The following GLE1 variants were observed in gnomAD, a reference collection of about 807,000 sequenced individuals.
The protein encoded by GLE1 is mRNA export factor GLE1.
In GLE1, 78 loss-of-function variants were observed where a neutral mutation model predicts 97.3. That is an observed-to-expected ratio of 0.80 (90% CI 0.67 to 0.97). The LOEUF is 0.97. GLE1 is among the 50% of genes least tolerant of loss of function. The pLI is 0.00. For synonymous variants in GLE1, 302 were observed against 313.4 expected, an observed-to-expected ratio of 0.96 and a Z score of 0.39; for missense variants, 753 against 857.5, an observed-to-expected ratio of 0.88 and a Z score of 1.52.
chr9:128,542,215 G>A lies in GLE1; in HGVS notation c.*1045G>A, dbSNP rs763586785. On this transcript the variant is annotated 3_prime_UTR_variant, in exon 16 of 16. Coordinates refer to ENST00000309971, the MANE Select transcript of GLE1 (RefSeq NM_001003722.2). ...GTTCACTGGTACTCTTGAGTGGCCT[G>A]AAGTGACCCATTCTATGAATTGTTA... The A allele has an allele frequency of 4.6e-5, 7 of 152,136 alleles. No individual in the cohort carries two copies. The highest frequency in any genetic ancestry group is 8.8e-5 in the Non-Finnish European group (6 of 68,016). The allele number at this position is 152,136 out of a possible 1,614,324, so 9.4% of individuals were successfully genotyped here.
chr9:128,534,963 C>T lies in GLE1; in HGVS notation c.1646+1012C>T, dbSNP rs184034522. Reference sequence around the variant, plus strand: ...CGATCTCTTGACCTTGTGATCTGCCCGCCTTGGCCTCCCAAAGTGCTGGGA... The same window carrying T: ...CGATCTCTTGACCTTGTGATCTGCCTGCCTTGGCCTCCCAAAGTGCTGGGA... On this transcript the variant is annotated intron_variant, in intron 11 of 15. Transcript: ENST00000309971. Among the ~76,000 whole-genome samples the T allele has an allele frequency of 2.1e-3, 313 of 151,672 alleles. 2 individuals are homozygous for T. The highest frequency in any genetic ancestry group is 7.1e-3 in the African/African-American group (295 of 41,430).
intron 2 of GLE1, among the ~76,000 whole-genome samples, chr9:128,510,067 CT>C (rs919743158): frequency 2.0e-5 from 3 of 151,640 alleles, no homozygotes; most frequent in Non-Finnish European, 2.9e-5. Flanking sequence ...TTCACCCTCC[CT>C]TTTTTTTGAG....
intron 2 of GLE1, among the ~76,000 whole-genome samples, chr9:128,513,506 C>G (rs1489523186): frequency 6.6e-6 from 1 of 151,848 alleles, no homozygotes; most frequent in African/African-American, 2.4e-5. Context: ...CATTTGAGCT[C>G]AGGCATTCGA....
At chr9:128,529,916 G>T (rs1847436443) in intron 9 of GLE1, among the ~76,000 whole-genome samples, 1 of 151,838 alleles carries the variant, frequency 6.6e-6, no homozygotes, top group Non-Finnish European at 1.5e-5. Flanking sequence ...AGCTGGGACT[G>T]CAGGCGCCTG....
At chr9:128,539,765 G>A in intron 14 of GLE1, 67 bp downstream of exon 14, 2 of 1,612,742 alleles carry the variant, frequency 1.2e-6, no homozygotes, top group South Asian at 2.2e-5. Context: ...GATACCCAAG[G>A]GTGCTATTAC....
intron 11 of GLE1, among the ~76,000 whole-genome samples, chr9:128,535,972 C>A (rs1847696439): frequency 6.6e-6 from 1 of 150,808 alleles, no homozygotes; most frequent in Admixed American, 6.6e-5. Flanking sequence ...ACTCTGTTTC[C>A]CAAAAAAAAG....
At chr9:128,539,180 G>A (rs1312303403) in intron 13 of GLE1, among the ~76,000 whole-genome samples, 1 of 152,166 alleles carries the variant, frequency 6.6e-6, no homozygotes, top group Non-Finnish European at 1.5e-5. Context: ...GCTACAGTGA[G>A]CTGTGATCAT....
At chr9:128,525,513 T>A in intron 7 of GLE1, 90 bp downstream of exon 7, 1 of 881,476 alleles carries the variant, frequency 1.1e-6, no homozygotes, top group Non-Finnish European at 1.8e-6. Flanking sequence ...TGTTAAACTG[T>A]AGGACAGTTA....
intron 8 of GLE1, 62 bp downstream of exon 8, chr9:128,527,353 TCGTGTCCCAAA>T: frequency 1.6e-6 from 2 of 1,280,798 alleles, no homozygotes; most frequent in Non-Finnish European, 2.3e-6. Flanking sequence ...AATGATCACT[TCGTGTCCCAAA>T]GGAATGTAGC....
chr9:128,532,722 G>GT, intron 9 of GLE1: 1 of 937,598 alleles, frequency 1.1e-6, no homozygotes, highest in Non-Finnish European at 1.3e-6. Flanking sequence ...GTGAGTGTAT[G>GT]TGACACAGGG....
chr9:128,536,163 G>T (rs556927568), intron 11 of GLE1, among the ~76,000 whole-genome samples, 192 bp from the exon 12 acceptor site: 1 of 152,124 alleles, frequency 6.6e-6, no homozygotes, highest in East Asian at 1.9e-4. Flanking sequence ...CTCCCAATTA[G>T]CTGGGACAAA....
chr9:128,516,945 G>T (rs1847007005), intron 3 of GLE1, among the ~76,000 whole-genome samples: 1 of 151,722 alleles, frequency 6.6e-6, no homozygotes, highest in Non-Finnish European at 1.5e-5. Context: ...TTTTAATTAG[G>T]AAAGCAATGC....
chr9:128,523,560 T>C, intron 5 of GLE1, 32 bp from the exon 6 acceptor site: 2 of 1,612,882 alleles, frequency 1.2e-6, no homozygotes, highest in Non-Finnish European at 1.7e-6. Flanking sequence ...CAGGAACCCC[T>C]CAGAGAGAAG....
At chr9:128,522,375 G>A (rs758577981) in intron 3 of GLE1, among the ~76,000 whole-genome samples, 5 of 152,132 alleles carry the variant, frequency 3.3e-5, no homozygotes, top group Non-Finnish European at 5.9e-5. Flanking sequence ...AAACATTTTC[G>A]GCCGGGCGAG....
Position 128,523,782 on chromosome 9 carries a change from C to A in GLE1, c.833C>A (p.Ala278Asp), listed in dbSNP as rs761284253. Residue 278 changes from alanine (A) to aspartate (D), a missense_variant, in exon 6 of 16, where the codon GCC becomes GAC. Ala to Asp is a moderately radical substitution (Grantham distance 126, BLOSUM62 -2). Coordinates refer to ENST00000309971, the MANE Select transcript of GLE1 (RefSeq NM_001003722.2). ...HKALLKVDLA[A>D]FQTRGNQLCS... ...GCCCTGCTTAAGGTCGACCTGGCTG[C>A]CTTCCAGACCCGAGGCAACCAGCTG... The A allele has an allele frequency of 6.2e-7, 1 of 1,614,014 alleles. No homozygotes were observed. Among genetic ancestry groups the A allele is most frequent in the Non-Finnish European group, 8.5e-7 (1 of 1,179,976 alleles).
chr9:128,524,486 A>AAGTAT (rs1313051257), intron 6 of GLE1, among the ~76,000 whole-genome samples: 1 of 148,916 alleles, frequency 6.7e-6, no homozygotes, highest in African/African-American at 2.5e-5. Flanking sequence ...TAGCCTCCCG[A>AAGTAT]AGTATTGGGG....
intron 4 of GLE1, 50 bp downstream of exon 4, chr9:128,522,866 C>T: frequency 6.2e-7 from 1 of 1,601,538 alleles, no homozygotes. Flanking sequence ...TCAACTGGAA[C>T]TCTTTCCCAA....
At chr9:128,524,815 C>T (rs1428574130) in intron 6 of GLE1, among the ~76,000 whole-genome samples, 2 of 151,902 alleles carry the variant, frequency 1.3e-5, no homozygotes. Context: ...GCACTTGAAC[C>T]TGGGAGGCAA....
rs2132390446 is a variant in GLE1, at chr9:128,504,900, GC to G, written c.96del (p.Glu33ArgfsTer4). 5.0e-6 allele frequency: 8 copies of G among 1,603,624 alleles called. No homozygotes were observed. The highest frequency in any genetic ancestry group is 6.8e-6 in the Non-Finnish European group (8 of 1,170,656). On this transcript the variant is annotated frameshift_variant, in exon 1 of 16. Transcript: ENST00000309971. LOFTEE classifies it high-confidence loss of function. Reference sequence around the variant, plus strand: ...TACTACCGCGACTGGCTGCTGCGGCGCGAGGTGAGCGGTGGCCCCGGAGGAC... The same window carrying G: ...TACTACCGCGACTGGCTGCTGCGGCGGAGGTGAGCGGTGGCCCCGGAGGAC... The part of the protein sequence containing the change: ...LCYYRDWLLR[R>X]EDVLEECMSL...
Sources: allele counts gnomAD v4.1 joint callset (sites outside exome capture counted in the v4.1 genomes callset), GRCh38; gene constraint gnomAD v4.1.1; transcripts MANE v1.5; gene names NCBI Gene and HGNC (gene_info 2026-07-23, HGNC 2026-07-21).